Variants in PKHD1 observed in about 807,000 individuals in gnomAD.
PKHD1 encodes the protein PKHD1 ciliary IPT domain containing fibrocystin/polyductin, also known as fibrocystin.
A neutral mutation model predicts 412.0 loss-of-function variants in PKHD1; 291 were observed. The ratio of observed to expected loss-of-function variants is 0.71; its 90% CI spans 0.64 to 0.78. PKHD1 has a LOEUF of 0.78. Ranked by LOEUF, PKHD1 falls within the 30% of genes least tolerant of loss-of-function variation. The probability of loss-of-function intolerance (pLI) is 0.00; values close to 1 mark genes in which losing one functional copy is unlikely to be tolerated. For synonymous variants in PKHD1, 1,777 were observed against 1,821.5 expected (o/e 0.98, Z 0.62); for missense variants, 4,825 against 4,950.7 (o/e 0.97, Z 0.76).
At chr6:51,759,663 GC>G (rs980732324) in intron 55 of PKHD1, among the ~76,000 whole-genome samples, 9 of 152,210 alleles carry the variant, frequency 5.9e-5, no homozygotes, top group African/African-American at 2.2e-4. Context: ...GACTTAAAGA[GC>G]CCCGATTGCC....
chr6:51,893,342 T>A (rs1482573253), intron 43 of PKHD1, among the ~76,000 whole-genome samples: 1 of 152,246 alleles, frequency 6.6e-6, no homozygotes, highest in Non-Finnish European at 1.5e-5. Flanking sequence ...TGTTGAATCA[T>A]CTGCCCTAGT....
intron 35 of PKHD1, among the ~76,000 whole-genome samples, chr6:51,981,304 GCTCAAGCTCTCCCTCTCCCTCTCCCT>G (rs1795119896): frequency 9.1e-5 from 2 of 22,040 alleles, no homozygotes; most frequent in Non-Finnish European, 3.0e-4. Flanking sequence ...AGGCTCCAAA[GCTCAAGCTCTCCCTCTCCCTCTCCCT>G]CTCCCTCTCC....
intron 28 of PKHD1, among the ~76,000 whole-genome samples, chr6:52,033,376 A>C (rs1803386121): frequency 6.6e-6 from 1 of 152,174 alleles, no homozygotes; most frequent in Non-Finnish European, 1.5e-5. Context: ...CAGAGTGATA[A>C]GTGCTTGGAC....
chr6:51,960,443 A>G (rs1223021696), intron 35 of PKHD1, among the ~76,000 whole-genome samples: 1 of 152,130 alleles, frequency 6.6e-6, no homozygotes, highest in Admixed American at 6.6e-5. Context: ...ATCTTGGACA[A>G]AAAGTCATAA....
chr6:51,954,108 C>T (rs567074127), intron 36 of PKHD1, among the ~76,000 whole-genome samples: 3 of 152,146 alleles, frequency 2.0e-5, no homozygotes, highest in East Asian at 3.9e-4. Flanking sequence ...AGCCATATCT[C>T]CTGTTATCTC....
At chr6:51,655,952 A>G (rs187278218) in intron 61 of PKHD1, among the ~76,000 whole-genome samples, 198 of 152,244 alleles carry the variant, frequency 1.3e-3, no homozygotes, top group African/African-American at 4.5e-3. Context: ...GATCTAGAAC[A>G]AGAAATACCA....
chr6:51,753,370 T>TG lies in PKHD1; in HGVS notation c.8798-18dup, dbSNP rs1197797422. On this transcript the variant is annotated splice_polypyrimidine_tract_variant and intron_variant, in intron 56 of 66. Transcript: ENST00000371117. ...GTACACTTCCTGGGGCAATAGGAGT[T>TG]GTGGGAAAAAAAAACTTTAAAAACC... The TG allele has an allele frequency of 6.2e-7, 1 of 1,609,450 alleles. No homozygotes were observed. Among genetic ancestry groups the TG allele is most frequent in the East Asian group, 2.2e-5 (1 of 44,822 alleles).
At chr6:52,057,015 T>C (rs906651604) in intron 16 of PKHD1, 36 bp from the exon 17 acceptor site, 1 of 1,365,282 alleles carries the variant, frequency 7.3e-7, no homozygotes, top group Non-Finnish European at 1.0e-6. Flanking sequence ...TAAATGATGG[T>C]GCTAATTAAG....
intron 60 of PKHD1, chr6:51,722,049 A>C: frequency 6.2e-7 from 1 of 1,613,484 alleles, no homozygotes; most frequent in Non-Finnish European, 8.5e-7. Context: ...CTTTAGTCAG[A>C]CATTGAAGGC....
intron 60 of PKHD1, among the ~76,000 whole-genome samples, chr6:51,729,517 T>C (rs1468562619): frequency 6.6e-6 from 1 of 152,164 alleles, no homozygotes; most frequent in Non-Finnish European, 1.5e-5. Flanking sequence ...GCATGATATA[T>C]TTTCTTTTTC....
chr6:51,843,861 C>A (rs1344669599), intron 50 of PKHD1, among the ~76,000 whole-genome samples: 1 of 152,204 alleles, frequency 6.6e-6, no homozygotes, highest in Non-Finnish European at 1.5e-5. Flanking sequence ...CCTAACAGAT[C>A]TTTTTAAATG....
chr6:51,783,089 A>G (rs1253317057), intron 53 of PKHD1, among the ~76,000 whole-genome samples: 1 of 152,124 alleles, frequency 6.6e-6, no homozygotes, highest in Non-Finnish European at 1.5e-5. Context: ...AGGGCTGACA[A>G]ATACCCATCA....
intron 27 of PKHD1, among the ~76,000 whole-genome samples, chr6:52,040,341 C>T (rs529357885): frequency 6.6e-6 from 1 of 152,252 alleles, no homozygotes; most frequent in South Asian, 2.1e-4. Context: ...CTAAGGTATA[C>T]TACCCTAGGC....
chr6:51,857,335 G>T (rs1042925707), intron 48 of PKHD1, among the ~76,000 whole-genome samples: 1 of 152,200 alleles, frequency 6.6e-6, no homozygotes, highest in African/African-American at 2.4e-5. Flanking sequence ...TAAGGGAAAT[G>T]AGTCAAAAGA....
chr6:51,721,327 T>C, intron 60 of PKHD1: 3 of 710,584 alleles, frequency 4.2e-6, no homozygotes, highest in Non-Finnish European at 5.2e-6. Context: ...CCACTATTAT[T>C]GGTATATTAG....
intron 60 of PKHD1, among the ~76,000 whole-genome samples, chr6:51,728,813 A>T (rs1782892412): frequency 6.6e-6 from 1 of 152,226 alleles, no homozygotes; most frequent in Admixed American, 6.5e-5. Flanking sequence ...CTTGTACAAA[A>T]ACCAGGATGT....
intron 60 of PKHD1, among the ~76,000 whole-genome samples, chr6:51,727,003 G>A (rs955156072): frequency 2.6e-5 from 4 of 152,128 alleles, no homozygotes; most frequent in Non-Finnish European, 4.4e-5. Flanking sequence ...GGAGAAGGCG[G>A]GAGAGATTCA....
rs113690658 is a variant in PKHD1 at position 51,617,706 on chromosome 6, A to G, written c.*1375T>C. 1.9e-4 allele frequency: 29 copies of G among 152,354 alleles called. No individual in the cohort carries two copies. The highest frequency in any genetic ancestry group is 6.5e-4 in the African/African-American group (27 of 41,580). 9.4% of individuals were successfully genotyped at this position (152,354 alleles called of 1,614,324 possible). A position where few individuals can be genotyped will look rare whatever the true frequency, so the allele number is the denominator to read the frequency against. ...TAAAACATTTCTGCCAATTCTTAGT[A>G]GGGTGAGACACACCTGCCCCTTGAT... On this transcript the variant is annotated 3_prime_UTR_variant, in exon 67 of 67. Coordinates refer to ENST00000371117, the MANE Select transcript of PKHD1 (RefSeq NM_138694.4).
intron 35 of PKHD1, among the ~76,000 whole-genome samples, chr6:51,997,890 C>T (rs948440784): frequency 6.6e-6 from 1 of 152,302 alleles, no homozygotes; most frequent in Admixed American, 6.5e-5. Flanking sequence ...CATCTCATAG[C>T]TTAACTTGTC....
Sources: allele counts gnomAD v4.1 joint callset (sites outside exome capture counted in the v4.1 genomes callset), GRCh38; gene constraint gnomAD v4.1.1; transcripts MANE v1.5; gene names NCBI Gene and HGNC (gene_info 2026-07-23, HGNC 2026-07-21).